THRB: variants seen among roughly 807,000 people sequenced by gnomAD.
The protein encoded by THRB is nuclear receptor subfamily 1 group A member 2.
THRB carries 12 observed loss-of-function variants against 47.8 expected under a neutral mutation model. That is an observed-to-expected ratio of 0.25 (90% CI 0.16 to 0.41). The LOEUF is 0.41. Among genes scored for constraint, THRB ranks in the 10% least tolerant of loss-of-function variants. The pLI is 1.00. For missense variants in THRB, 348 were observed against 589.2 expected (o/e 0.59, Z 4.24); for synonymous variants, 218 against 212.2 (o/e 1.03, Z -0.24).
chr3:24,262,484 C>T (rs939239945), intron 3 of THRB, among the ~76,000 whole-genome samples: 2 of 152,184 alleles, frequency 1.3e-5, no homozygotes, highest in African/African-American at 4.8e-5. Flanking sequence ...TTCCCCACTC[C>T]CTCTGATTGT....
chr3:24,464,595 G>T (rs1035546985), intron 1 of THRB, among the ~76,000 whole-genome samples: 15 of 152,142 alleles, frequency 9.9e-5, no homozygotes, highest in South Asian at 2.1e-4. Flanking sequence ...TTAAGCTGAA[G>T]AATTTAGTTC....
chr3:24,455,997 A>C (rs1349450427), intron 1 of THRB, among the ~76,000 whole-genome samples: 2 of 152,196 alleles, frequency 1.3e-5, no homozygotes, highest in African/African-American at 2.4e-5. Context: ...TCCAGTAAAA[A>C]AGAAAGCACA....
chr3:24,186,277 C>G (rs2042561349), intron 5 of THRB, among the ~76,000 whole-genome samples: 1 of 152,102 alleles, frequency 6.6e-6, no homozygotes, highest in Non-Finnish European at 1.5e-5. Flanking sequence ...TCTCCTAGTG[C>G]CACTGATTGG....
intron 8 of THRB, among the ~76,000 whole-genome samples, chr3:24,142,784 G>A (rs980791467): frequency 3.3e-5 from 5 of 152,186 alleles, no homozygotes; most frequent in African/African-American, 4.8e-5. Context: ...CTGGGCAAGC[G>A]GCTTAAGGCC....
intron 9 of THRB, among the ~76,000 whole-genome samples, chr3:24,130,193 C>T (rs1321378656): frequency 1.3e-5 from 2 of 152,150 alleles, no homozygotes; most frequent in East Asian, 3.8e-4. Context: ...ATTGGCAGAC[C>T]ACACGATATC....
chr3:24,385,823 C>T (rs959848429), intron 1 of THRB, among the ~76,000 whole-genome samples: 1 of 152,086 alleles, frequency 6.6e-6, no homozygotes, highest in African/African-American at 2.4e-5. Context: ...TAAATCATCA[C>T]GCATGAATCC....
At chr3:24,161,204 G>A (rs1348999874) in intron 5 of THRB, among the ~76,000 whole-genome samples, 3 of 152,212 alleles carry the variant, frequency 2.0e-5, no homozygotes, top group African/African-American at 7.2e-5. Context: ...CTGGAGTGGT[G>A]TTTTCTCTGA....
chr3:24,233,597 A>AAGAAAGAAAGAAAGAAAG (rs1337006897), intron 3 of THRB, among the ~76,000 whole-genome samples: 6 of 150,816 alleles, frequency 4.0e-5, no homozygotes, highest in Non-Finnish European at 7.4e-5. Context: ...GAAAGAAAGA[A>AAGAAAGAAAGAAAGAAAG]AGAAAGAAAG....
At chr3:24,475,155 G>C (rs1695258400) in intron 1 of THRB, among the ~76,000 whole-genome samples, 1 of 152,042 alleles carries the variant, frequency 6.6e-6, no homozygotes, top group South Asian at 2.1e-4. Flanking sequence ...AAAAGTGAGA[G>C]TCTGAAATAT....
At chr3:24,431,776 T>C (rs2070449352) in intron 1 of THRB, among the ~76,000 whole-genome samples, 1 of 152,118 alleles carries the variant, frequency 6.6e-6, no homozygotes, top group African/African-American at 2.4e-5. Flanking sequence ...AACAAAGTGA[T>C]ATATTGCCTA....
Position 24,239,134 on chromosome 3 carries a change from G to T in THRB, c.-42-10133C>A, listed in dbSNP as rs377240937. On this transcript the variant is annotated intron_variant, in intron 3 of 10. Transcript: ENST00000646209. ...GTTTTGTATTTTAAGTAGACCCAGG[G>T]TTTCACCATGTTGGCCAGTCTGGTC... 3.0e-4 allele frequency among the ~76,000 whole-genome samples: 45 copies of T among 152,172 alleles called. 1 individual carries two copies. The highest frequency in any genetic ancestry group is 1.1e-3 in the African/African-American group (44 of 41,534).
chr3:24,455,408 G>A (rs1244411298), intron 1 of THRB: 1 of 151,946 alleles, frequency 6.6e-6, no homozygotes, highest in African/African-American at 2.4e-5. Flanking sequence ...ACTTAGTTGT[G>A]GGTCTTTGAT....
intron 1 of THRB, chr3:24,458,165 A>C (rs887625433): frequency 1.3e-5 from 2 of 152,184 alleles, no homozygotes; most frequent in Non-Finnish European, 2.9e-5. Context: ...AAATGACAGC[A>C]GTCATTGTGG....
intron 1 of THRB, among the ~76,000 whole-genome samples, chr3:24,444,410 T>C (rs1413761202): frequency 6.6e-6 from 1 of 152,068 alleles, no homozygotes; most frequent in Non-Finnish European, 1.5e-5. Context: ...ATCTCAAAAA[T>C]AATTAAATAA....
intron 1 of THRB, among the ~76,000 whole-genome samples, chr3:24,409,166 T>C (rs2068074151): frequency 6.6e-6 from 1 of 151,830 alleles, no homozygotes; most frequent in Non-Finnish European, 1.5e-5. Flanking sequence ...TGAAATACGA[T>C]GACTCAAAAC....
intron 1 of THRB, among the ~76,000 whole-genome samples, chr3:24,344,191 C>T (rs982095528): frequency 6.6e-6 from 1 of 151,846 alleles, no homozygotes; most frequent in African/African-American, 2.4e-5. Context: ...CAACTATGAG[C>T]AACTATATTG....
intron 1 of THRB, among the ~76,000 whole-genome samples, chr3:24,475,863 C>T (rs1695378533): frequency 6.6e-6 from 1 of 152,194 alleles, no homozygotes; most frequent in Non-Finnish European, 1.5e-5. Context: ...GTTTACAGTT[C>T]CTTAAAAGCA....
rs1337968526 is a variant in THRB, at chr3:24,118,993, T to C, written c.*3891A>G. 2.0e-5 allele frequency: 3 copies of C among 149,000 alleles called. No individual in the cohort carries two copies. The highest frequency in any genetic ancestry group is 4.5e-5 in the Non-Finnish European group (3 of 67,234). The allele number at this position is 149,000 out of a possible 1,614,324, so 9.2% of individuals were successfully genotyped here. A position where few individuals can be genotyped will look rare whatever the true frequency, so the allele number is the denominator to read the frequency against. ...GTCTGGTTTTTTTTTTTTTTTTTTT[T>C]TTTTTTTTTTGAGTGTGTTTTTAAT... On this transcript the variant is annotated 3_prime_UTR_variant, in exon 11 of 11. Transcript: ENST00000646209.
rs145453495 is a variant in THRB at position 24,251,100 on chromosome 3, C to T, written c.-42-22099G>A. 2.0e-3 allele frequency among the ~76,000 whole-genome samples: 300 copies of T among 152,082 alleles called. 2 individuals carry two copies. The highest frequency in any genetic ancestry group is 1.3e-3 in the Non-Finnish European group (88 of 67,960). Reference sequence around the variant, plus strand: ...GAAGCCAAGAAAATTATCTCCTAAACAACTCTTTGTCAAAGAGTAAATAGA... The same window carrying T: ...GAAGCCAAGAAAATTATCTCCTAAATAACTCTTTGTCAAAGAGTAAATAGA... On this transcript the variant is annotated intron_variant, in intron 3 of 10. Transcript: ENST00000646209.
Sources: gnomAD v4.1 joint callset for allele counts (sites outside exome capture counted in the v4.1 genomes callset) on GRCh38, gnomAD v4.1.1 for gene constraint, MANE v1.5 for transcripts, NCBI Gene and HGNC (gene_info 2026-07-23, HGNC 2026-07-21) for gene names.